PCDHGA1: variants seen among roughly 807,000 people sequenced by gnomAD.
PCDHGA1 encodes the protein protocadherin gamma-A1.
Under a neutral mutation model 58.0 loss-of-function variants are expected in PCDHGA1, and 32 were observed. The observed-to-expected ratio is 0.55, with a 90% CI of 0.42 to 0.74. The LOEUF (loss-of-function observed/expected upper bound fraction) is 0.74. Among genes scored for constraint, PCDHGA1 ranks in the 30% least tolerant of loss-of-function variants. The pLI, the probability that PCDHGA1 is intolerant of heterozygous loss-of-function variation, is 0.00. For synonymous variants in PCDHGA1, 498 were observed against 501.1 expected (o/e 0.99, Z 0.08); for missense variants, 1,205 against 1,182.3 (o/e 1.02, Z -0.28).
intron 1 of PCDHGA1, among the ~76,000 whole-genome samples, chr5:141,338,122 A>G: frequency 6.6e-6 from 1 of 152,208 alleles, no homozygotes; most frequent in Non-Finnish European, 1.5e-5. Flanking sequence ...GTATTCCTCC[A>G]TCACCCAGTG....
At position 141,476,503 on chromosome 5, in the gene PCDHGA1, C is replaced by T. The variant is rs1259213742; in HGVS notation, c.2422-18304C>T. 2 of 1,614,138 alleles carry T rather than the reference C, an allele frequency of 1.2e-6. No individual in the cohort carries two copies. ...TGGAAGTGGTGATCCAGGACATCAA[C>T]GACAACAATCCTGCTTTCCCTACCC... On this transcript the variant is annotated intron_variant, in intron 1 of 3. Transcript: ENST00000517417. The surrounding 1 kb of genome is among the most constrained non-coding windows in gnomAD (Gnocchi z 7.6).
At position 141,403,603 on chromosome 5, in the gene PCDHGA1, C is replaced by T. The variant is rs2094431906; in HGVS notation, c.2421+70498C>T. On this transcript the variant is annotated intron_variant, in intron 1 of 3. Coordinates refer to ENST00000517417, the MANE Select transcript of PCDHGA1 (RefSeq NM_018912.3). ...ACCTGGTCCTCACGGCCTCGGATGG[C>T]GGCGAGCCGCGTCGCTCCAGCACAG... 4 of 1,613,762 alleles carry T rather than the reference C, an allele frequency of 2.5e-6. No individual in the cohort carries two copies. The East Asian group carries it at 8.9e-5, about 36-fold the overall frequency.
At chr5:141,385,415 T>C (rs1781181251) in intron 1 of PCDHGA1, 2 of 1,466,016 alleles carry the variant, frequency 1.4e-6, no homozygotes, top group Non-Finnish European at 1.8e-6. Context: ...AAAATAGGGA[T>C]TTAAAAAACT....
Position 141,383,564 on chromosome 5 carries a change from G to A in PCDHGA1, c.2421+50459G>A, listed in dbSNP as rs767546411. On this transcript the variant is annotated intron_variant, in intron 1 of 3. Coordinates refer to ENST00000517417, the MANE Select transcript of PCDHGA1 (RefSeq NM_018912.3). ...GCCTCTGATGGCGGCGACCCGCCCC[G>A]ATCCAGCACCGCCCACATCCAGGTG... 6.2e-6 allele frequency: 10 copies of A among 1,612,926 alleles called. No homozygotes were observed. In the East Asian group the frequency reaches 6.7e-5, roughly 11 times the overall value.
chr5:141,348,044 A>C (rs549365991), intron 1 of PCDHGA1, among the ~76,000 whole-genome samples: 172 of 152,324 alleles, frequency 1.1e-3, no homozygotes, highest in African/African-American at 4.0e-3. Context: ...AATGGAATAG[A>C]AGTCCCTTCT....
At chr5:141,461,408 CAT>C (rs1491314585) in intron 1 of PCDHGA1, among the ~76,000 whole-genome samples, 2 of 151,994 alleles carry the variant, frequency 1.3e-5, no homozygotes, top group South Asian at 2.1e-4. Flanking sequence ...AGCATTTTTT[CAT>C]ATGTTTGTGG....
At chr5:141,362,208 C>G in intron 1 of PCDHGA1, 1 of 1,614,074 alleles carries the variant, frequency 6.2e-7, no homozygotes, top group East Asian at 2.2e-5. Context: ...TGCAGTTTTA[C>G]CTGGTTGTGG....
At chr5:141,421,252 G>A in intron 1 of PCDHGA1, 1 of 1,607,158 alleles carries the variant, frequency 6.2e-7, no homozygotes, top group Non-Finnish European at 8.5e-7. Context: ...ACAGCGCGGG[G>A]ACCGCAGTCG....
In PCDHGA1 at chr5:141,331,682, T is replaced by G; in HGVS notation, c.998T>G (p.Val333Gly). The change falls in exon 1 of 4, where the codon GTA (valine) becomes GGA (glycine). Residue 333 changes from valine (V) to glycine (G), a missense_variant. Val to Gly is a moderately radical substitution (Grantham distance 109). Transcript: ENST00000517417. ...GCGGGGCTCATGGCTAAAGTTAAGG[T>G]ACTGATCAAAGTTTTGGATGTAAAT... ...DGAGLMAKVK[V>G]LIKVLDVNDN... is the part of the protein sequence containing the mutation. 6.2e-7 allele frequency: 1 copy of G among 1,613,994 alleles called. No individual in the cohort carries two copies. The highest frequency in any genetic ancestry group is 8.5e-7 in the Non-Finnish European group (1 of 1,180,010).
At chr5:141,339,972 T>C (rs1047514152) in intron 1 of PCDHGA1, 2 of 1,614,166 alleles carry the variant, frequency 1.2e-6, no homozygotes, top group African/African-American at 2.7e-5. Flanking sequence ...GCGAAGGTTA[T>C]CGTCACGGTT....
intron 2 of PCDHGA1, among the ~76,000 whole-genome samples, chr5:141,502,866 C>CTTTTTT (rs549047197): frequency 2.0e-4 from 26 of 128,026 alleles, no homozygotes; most frequent in African/African-American, 6.2e-4. Flanking sequence ...GACTCTCTGT[C>CTTTTTT]TTTTTTTTTT....
intron 1 of PCDHGA1, chr5:141,356,464 G>A: frequency 6.2e-7 from 1 of 1,613,704 alleles, no homozygotes; most frequent in Non-Finnish European, 8.5e-7. Context: ...TAACATCACT[G>A]TAACTGCCAC....
In PCDHGA1 at chr5:141,432,017, A is replaced by G. The variant is rs372826902; in HGVS notation, c.2422-62790A>G. The stretch of plus-strand genomic sequence containing the variant: ...TAGGGAACAGGTTCCTAGCTACAAC[A>G]TCACAGTGACCGCCACTGACCGGGG... On this transcript the variant is annotated intron_variant, in intron 1 of 3. Coordinates refer to ENST00000517417, the MANE Select transcript of PCDHGA1 (RefSeq NM_018912.3). This position sits in a 1 kb window ranked among gnomAD's most constrained non-coding sequence, Gnocchi z 6.0. The G allele has an allele frequency of 6.2e-7, 1 of 1,614,224 alleles. No individual in the cohort carries two copies. Among genetic ancestry groups the G allele is most frequent in the Non-Finnish European group, 8.5e-7 (1 of 1,180,038 alleles).
chr5:141,364,744 A>T (rs1366184046), intron 1 of PCDHGA1: 1 of 1,613,990 alleles, frequency 6.2e-7, no homozygotes, highest in Non-Finnish European at 8.5e-7. Flanking sequence ...ATGAAGAGTT[A>T]AAAGTAAAAG....
At chr5:141,412,441 G>A (rs1334085357) in intron 1 of PCDHGA1, 2 of 152,124 alleles carry the variant, frequency 1.3e-5, no homozygotes, top group Non-Finnish European at 2.9e-5. Context: ...GTTAATTAAG[G>A]CTCAGTAAAA....
chr5:141,398,689 G>T, intron 1 of PCDHGA1: 1 of 1,613,766 alleles, frequency 6.2e-7, no homozygotes, highest in Non-Finnish European at 8.5e-7. Context: ...GAAACAGGAT[G>T]GTAGTAAATA....
At chr5:141,376,418 C>T (rs1354597104) in intron 1 of PCDHGA1, 1 of 1,614,112 alleles carries the variant, frequency 6.2e-7, no homozygotes, top group Admixed American at 1.7e-5. Flanking sequence ...TGCCGACACG[C>T]TTATCAACCA....
chr5:141,387,471 T>C (rs1321289050), intron 1 of PCDHGA1, among the ~76,000 whole-genome samples: 3 of 152,232 alleles, frequency 2.0e-5, no homozygotes, highest in East Asian at 1.9e-4. Flanking sequence ...ATCCTCAAAG[T>C]TGGGATGAAG....
chr5:141,450,842 T>TTTTA (rs1387012749), intron 1 of PCDHGA1, among the ~76,000 whole-genome samples: 1 of 148,196 alleles, frequency 6.7e-6, no homozygotes, highest in African/African-American at 2.5e-5. Context: ...TTTTTTTTTT[T>TTTTA]GAGATGGGGT....
Sources: allele counts gnomAD v4.1 joint callset (sites outside exome capture counted in the v4.1 genomes callset), GRCh38; gene constraint gnomAD v4.1.1; non-coding constraint Gnocchi (gnomAD v3.1); transcripts MANE v1.5; gene names NCBI Gene and HGNC (gene_info 2026-07-23, HGNC 2026-07-21).